CDC45: variants seen among roughly 807,000 people sequenced by gnomAD.
CDC45 encodes cell division cycle 45.
CDC45 carries 54 observed loss-of-function variants against 77.8 expected under a neutral mutation model. That is an observed-to-expected ratio of 0.69 (90% CI 0.56 to 0.87). The LOEUF is 0.87. CDC45 is among the 40% of genes least tolerant of loss of function. The pLI is 0.00. For missense variants in CDC45, 649 were observed against 721.6 expected (o/e 0.90, Z 1.15); for synonymous variants, 260 against 272.1 (o/e 0.96, Z 0.44).
intron 15 of CDC45, 107 bp downstream of exon 15, chr22:19,515,155 C>A: frequency 2.1e-6 from 2 of 962,226 alleles, no homozygotes; most frequent in Non-Finnish European, 3.1e-6. Flanking sequence ...TGTTGACCAG[C>A]TGCAAGGTCT....
chr22:19,519,787 T>C (rs959687140), intron 18 of CDC45, among the ~76,000 whole-genome samples: 14 of 152,302 alleles, frequency 9.2e-5, no homozygotes, highest in African/African-American at 3.4e-4. Flanking sequence ...GACAACAGCA[T>C]AGGGGGCCTC....
intron 5 of CDC45, among the ~76,000 whole-genome samples, chr22:19,485,489 T>C (rs563722599): frequency 6.6e-6 from 1 of 151,876 alleles, no homozygotes; most frequent in South Asian, 2.1e-4. Flanking sequence ...AGCTCTGAGG[T>C]GGGAAGGAAA....
At chr22:19,512,977 A>C (rs540112031) in intron 13 of CDC45, among the ~76,000 whole-genome samples, 97 of 152,250 alleles carry the variant, frequency 6.4e-4, no homozygotes, top group Non-Finnish European at 1.1e-3. Flanking sequence ...GCAATGGAGG[A>C]AGGAAGAGAG....
intron 5 of CDC45, among the ~76,000 whole-genome samples, chr22:19,493,418 C>G (rs2090186252): frequency 1.3e-5 from 1 of 78,862 alleles, no homozygotes; most frequent in African/African-American, 4.7e-5. Context: ...CTTTCAGAGT[C>G]TTACTTTGTT....
intron 5 of CDC45, among the ~76,000 whole-genome samples, chr22:19,487,469 G>A (rs904394640): frequency 6.6e-6 from 1 of 151,994 alleles, no homozygotes; most frequent in African/African-American, 2.4e-5. Context: ...GGTTGAGGCT[G>A]CAGTGATCCA....
intron 3 of CDC45, among the ~76,000 whole-genome samples, chr22:19,482,441 G>C (rs994315796): frequency 6.6e-6 from 1 of 152,244 alleles, no homozygotes; most frequent in Non-Finnish European, 1.5e-5. Flanking sequence ...GCCTGTCCAC[G>C]AGACTTGGGC....
In CDC45 at chr22:19,518,867, C is replaced by T. The variant is rs778665661; in HGVS notation, c.1660C>T (p.Arg554Trp). 3.0e-5 allele frequency: 48 copies of T among 1,613,934 alleles called. No homozygotes were observed. Among genetic ancestry groups the T allele is most frequent in the African/African-American group, 5.3e-5 (4 of 74,924 alleles). Residue 554 changes from arginine to tryptophan, a missense_variant, in exon 18 of 19, where the codon CGG (arginine) becomes TGG (tryptophan). By Grantham distance (101) the Arg-to-Trp change is moderately radical. Coordinates refer to ENST00000263201, the MANE Select transcript of CDC45 (RefSeq NM_003504.5). ...LSVIELKAED[R>W]SKFLDALISL... ...AGTAATTGAGCTGAAAGCTGAGGAT[C>T]GGAGCAAGTTTCTGGACGCACTTAT...
intron 9 of CDC45, 67 bp downstream of exon 9, chr22:19,499,218 T>G: frequency 6.5e-7 from 1 of 1,540,164 alleles, no homozygotes; most frequent in South Asian, 1.1e-5. Flanking sequence ...AGCCTGACCA[T>G]AGCCACTAAG....
At chr22:19,516,131 G>A (rs113359446) in intron 15 of CDC45, among the ~76,000 whole-genome samples, 3 of 152,152 alleles carry the variant, frequency 2.0e-5, no homozygotes, top group South Asian at 2.1e-4. Context: ...AGGATGAGGC[G>A]GGGTGGGCTG....
intron 5 of CDC45, among the ~76,000 whole-genome samples, chr22:19,487,427 A>G (rs2090087872): frequency 6.6e-6 from 1 of 151,380 alleles, no homozygotes; most frequent in Non-Finnish European, 1.5e-5. Context: ...TTGGGAGGCT[A>G]GAGTGGGAGG....
chr22:19,481,038 A>G lies in CDC45; in HGVS notation c.197A>G (p.Lys66Arg). The G allele has an allele frequency of 6.2e-7, 1 of 1,609,240 alleles. No individual in the cohort carries two copies. Among genetic ancestry groups the G allele is most frequent in the Non-Finnish European group, 8.5e-7 (1 of 1,175,676 alleles). ...QELETAFLEH[K>R]EQFHYFILIN... ...CTTGAAACTGCATTTCTTGAGCATA[A>G]AGAACAGGTATTGAAGATGCGTTTT... is the stretch of plus-strand genomic sequence containing the variant. The change falls in exon 3 of 19, where the codon AAA becomes AGA. Residue 66 changes from lysine (K) to arginine (R), a missense_variant. Transcript: ENST00000263201.
At chr22:19,483,355 C>G (rs1290782718) in intron 4 of CDC45, among the ~76,000 whole-genome samples, 1 of 152,110 alleles carries the variant, frequency 6.6e-6, no homozygotes, top group Admixed American at 6.5e-5. Flanking sequence ...TGGCATGAAC[C>G]CAGGAGGCAG....
chr22:19,482,824 C>T lies in CDC45; in HGVS notation c.339C>T (p.Thr113=), dbSNP rs139078695. 2.2e-5 allele frequency: 36 copies of T among 1,613,728 alleles called. No individual in the cohort carries two copies. Among genetic ancestry groups the T allele is most frequent in the Non-Finnish European group, 3.0e-5 (35 of 1,179,816 alleles). Residue 113 remains threonine (T), a synonymous_variant, in exon 4 of 19, where the codon ACC becomes ACT. Transcript: ENST00000263201. ...PVNVVNVYND[T]QIKLLIKQDD... ...ATGTCGTCAATGTATACAACGATAC[C>T]CAGGTACTTTTTGTGCTATGCCCTC...
chr22:19,489,329 TA>T (rs200975026), intron 5 of CDC45, among the ~76,000 whole-genome samples: 1,891 of 142,644 alleles, frequency 0.013, 21 homozygotes, highest in African/African-American at 0.032. Context: ...GGTATTGCTT[TA>T]AAAAAAAAAA....
chr22:19,488,846 G>A (rs2090112915), intron 5 of CDC45, among the ~76,000 whole-genome samples: 1 of 152,068 alleles, frequency 6.6e-6, no homozygotes, highest in South Asian at 2.1e-4. Context: ...ACATGTAGTT[G>A]TAAGAAGTAA....
chr22:19,516,809 G>T lies in CDC45; in HGVS notation c.1560-8G>T, dbSNP rs975438077. ...GCCTGGCCCCCGACATGTCTTGTGT[G>T]TCAGCAGCTTTTTTGGGAGGGCGTT... On this transcript the variant is annotated splice_polypyrimidine_tract_variant and splice_region_variant and intron_variant, in intron 16 of 18. Transcript: ENST00000263201. 1 of 1,613,978 alleles carries T rather than the reference G, an allele frequency of 6.2e-7. No homozygotes were observed.
Position 19,516,605 on chromosome 22 carries a change from G to T in CDC45, c.1519G>T (p.Val507Leu). 1 of 1,614,110 alleles carries T rather than the reference G, an allele frequency of 6.2e-7. No individual in the cohort carries two copies. Among genetic ancestry groups the T allele is most frequent in the South Asian group, 1.1e-5 (1 of 91,086 alleles). ...LSMEHGTVTV[V>L]GIPPETDSSD... Reference sequence around the variant, plus strand: ...CATGGAGCATGGCACAGTGACCGTGGTGGGCATCCCCCCAGAGACCGACAG... The same window carrying T: ...CATGGAGCATGGCACAGTGACCGTGTTGGGCATCCCCCCAGAGACCGACAG... Residue 507 changes from valine (V) to leucine (L), a missense_variant, in exon 16 of 19, where the codon GTG (valine) becomes TTG (leucine). Val to Leu is a conservative substitution (Grantham distance 32). Transcript: ENST00000263201.
intron 13 of CDC45, among the ~76,000 whole-genome samples, chr22:19,514,538 C>T (rs140260375): frequency 1.3e-5 from 2 of 152,240 alleles, no homozygotes; most frequent in African/African-American, 4.8e-5. Context: ...TACTTGCACC[C>T]GCTCCACCTC....
chr22:19,505,663 A>G (rs13447252), intron 10 of CDC45, among the ~76,000 whole-genome samples, 182 bp downstream of exon 10: 3 of 152,210 alleles, frequency 2.0e-5, no homozygotes, highest in African/African-American at 4.8e-5. Context: ...TTTGGCTTCT[A>G]AATGCCAGAG....
Sources: gnomAD v4.1 joint callset for allele counts (sites outside exome capture counted in the v4.1 genomes callset) on GRCh38, gnomAD v4.1.1 for gene constraint, MANE v1.5 for transcripts, NCBI Gene and HGNC (gene_info 2026-07-23, HGNC 2026-07-21) for gene names.